Variants in GRIN2B observed in about 807,000 individuals in gnomAD.
The protein encoded by GRIN2B is glutamate ionotropic receptor NMDA type subunit 2B, also known as glutamate receptor ionotropic, NMDA 2B.
Under a neutral mutation model 114.5 loss-of-function variants are expected in GRIN2B, and 5 were observed. The ratio of observed to expected loss-of-function variants is 0.04; its 90% CI spans 0.02 to 0.09. The LOEUF (loss-of-function observed/expected upper bound fraction) is 0.09, where lower values mean the gene tolerates loss of function less well. Among genes scored for constraint, GRIN2B ranks in the 10% least tolerant of loss-of-function variants. GRIN2B has a pLI of 1.00. For synonymous variants in GRIN2B, 787 were observed against 745.1 expected (o/e 1.06, Z -0.92); for missense variants, 1,108 against 1,943.5 (o/e 0.57, Z 8.08).
chr12:13,909,078 C>CT (rs1196028210), intron 2 of GRIN2B, among the ~76,000 whole-genome samples: 1 of 152,162 alleles, frequency 6.6e-6, no homozygotes, highest in Admixed American at 6.5e-5. Flanking sequence ...CATGAATATA[C>CT]TTTCTTCTCT....
At chr12:13,802,092 G>T (rs1591739992) in intron 3 of GRIN2B, among the ~76,000 whole-genome samples, 1 of 152,046 alleles carries the variant, frequency 6.6e-6, no homozygotes, top group African/African-American at 2.4e-5. Flanking sequence ...GAAGGAGTCT[G>T]AAGTCTAGCC....
rs539344696 is a variant in GRIN2B at position 13,910,759 on chromosome 12, T to A, written c.-18-44533A>T. Among the ~76,000 whole-genome samples the A allele has an allele frequency of 2.0e-5, 3 of 152,324 alleles. No homozygotes were observed. The East Asian group carries it at 5.8e-4, about 29-fold the overall frequency. ...GCTCTGAGGATATAGTTCAAATTAATCCTTTAGCATGACTGAAAATGATCA... is the reference window on the plus strand; with the variant it reads ...GCTCTGAGGATATAGTTCAAATTAAACCTTTAGCATGACTGAAAATGATCA... On this transcript the variant is annotated intron_variant, in intron 2 of 13. Transcript: ENST00000609686.
At chr12:13,960,146 A>C (rs957513601) in intron 2 of GRIN2B, among the ~76,000 whole-genome samples, 8 of 152,030 alleles carry the variant, frequency 5.3e-5, no homozygotes, top group Admixed American at 2.6e-4. Flanking sequence ...GACAATGAAA[A>C]CTGTCTGCAG....
chr12:13,878,472 C>T (rs1031917740), intron 2 of GRIN2B, among the ~76,000 whole-genome samples: 3 of 152,232 alleles, frequency 2.0e-5, no homozygotes, highest in African/African-American at 2.4e-5. Context: ...GGTTTCTGTG[C>T]ACTGTCCACA....
At chr12:13,659,160 A>T (rs1164749025) in intron 5 of GRIN2B, among the ~76,000 whole-genome samples, 1 of 152,140 alleles carries the variant, frequency 6.6e-6, no homozygotes, top group Admixed American at 6.5e-5. Flanking sequence ...TCCTGACTCA[A>T]CAGTAACTCA....
In GRIN2B at chr12:13,752,491, C is replaced by A. The variant is rs147640646; in HGVS notation, c.1010+826G>T. Reference sequence around the variant, plus strand: ...AGATCACTTTTATTTCTAAAACACACTTCTTTATGTTCTATTTAGTTTGAA... The same window carrying A: ...AGATCACTTTTATTTCTAAAACACAATTCTTTATGTTCTATTTAGTTTGAA... On this transcript the variant is annotated intron_variant, in intron 4 of 13. Coordinates refer to ENST00000609686, the MANE Select transcript of GRIN2B (RefSeq NM_000834.5). Among the ~76,000 whole-genome samples, 49 of 152,286 alleles carry A rather than the reference C, an allele frequency of 3.2e-4. No homozygotes were observed. The East Asian group carries it at 9.5e-3, about 29-fold the overall frequency.
intron 4 of GRIN2B, among the ~76,000 whole-genome samples, chr12:13,742,038 G>A (rs1283500434): frequency 6.6e-6 from 1 of 152,106 alleles, no homozygotes; most frequent in East Asian, 1.9e-4. Flanking sequence ...GCATTTTAAT[G>A]GAAAATTTCA....
chr12:13,780,910 G>GA (rs543724072), intron 3 of GRIN2B, among the ~76,000 whole-genome samples: 4 of 151,234 alleles, frequency 2.6e-5, no homozygotes, highest in African/African-American at 4.9e-5. Flanking sequence ...GCAAAAAAGG[G>GA]AAAAAAATGG....
chr12:13,586,888 TA>T (rs1462158577), intron 10 of GRIN2B, among the ~76,000 whole-genome samples: 1 of 152,256 alleles, frequency 6.6e-6, no homozygotes, highest in Non-Finnish European at 1.5e-5. Flanking sequence ...CTGTGGACAC[TA>T]TATGAATTAC....
chr12:13,836,498 C>T (rs1157434560), intron 3 of GRIN2B, among the ~76,000 whole-genome samples: 2 of 152,182 alleles, frequency 1.3e-5, no homozygotes, highest in South Asian at 2.1e-4. Context: ...GAGTTTTCTG[C>T]GTGGCTCTGA....
chr12:13,803,925 T>G (rs1864558501), intron 3 of GRIN2B, among the ~76,000 whole-genome samples: 1 of 152,206 alleles, frequency 6.6e-6, no homozygotes, highest in South Asian at 2.1e-4. Flanking sequence ...ACCAGCCATT[T>G]TATGCCCCTC....
Position 13,541,039 on chromosome 12 carries a change from T to C in GRIN2B, c.*21744A>G, listed in dbSNP as rs1231530455. 6.6e-6 allele frequency: 1 copy of C among 152,264 alleles called. No homozygotes were observed. The highest frequency in any genetic ancestry group is 2.4e-5 in the African/African-American group (1 of 41,436). 9.4% of individuals were successfully genotyped at this position (152,264 alleles called of 1,614,324 possible). On this transcript the variant is annotated 3_prime_UTR_variant, in exon 14 of 14. Transcript: ENST00000609686. ...GCGCTCACACACACGCTCACACACA[T>C]GTGCACAGGCACACACACGCATCAG...
chr12:13,688,786 A>G (rs1397664731), intron 4 of GRIN2B, among the ~76,000 whole-genome samples: 4 of 152,188 alleles, frequency 2.6e-5, no homozygotes, highest in African/African-American at 9.6e-5. Context: ...AAAATACAAT[A>G]TTAAAGTATT....
chr12:13,670,962 G>C (rs1013473548), intron 5 of GRIN2B, among the ~76,000 whole-genome samples: 1 of 152,000 alleles, frequency 6.6e-6, no homozygotes, highest in Non-Finnish European at 1.5e-5. Context: ...AAAGTAGTTG[G>C]GTAAATGTAT....
In GRIN2B at chr12:13,557,305, C is replaced by T. The variant is rs1030653608; in HGVS notation, c.*5478G>A. ...CTGCTAGGCCTAAGAAACAATTGCC[C>T]CCCAGGTTAAGTAGCACCTGAGGTC... On this transcript the variant is annotated 3_prime_UTR_variant, in exon 14 of 14. Transcript: ENST00000609686. The T allele has an allele frequency of 2.0e-5, 3 of 152,104 alleles. No individual in the cohort carries two copies. Among genetic ancestry groups the T allele is most frequent in the Non-Finnish European group, 4.4e-5 (3 of 68,022 alleles). 9.4% of individuals were successfully genotyped at this position (152,104 alleles called of 1,614,324 possible).
chr12:13,735,390 G>A (rs779270162), intron 4 of GRIN2B, among the ~76,000 whole-genome samples: 2 of 152,194 alleles, frequency 1.3e-5, no homozygotes, highest in Non-Finnish European at 2.9e-5. Context: ...TCTTTGTCAT[G>A]CCTTTGAAAT....
intron 4 of GRIN2B, among the ~76,000 whole-genome samples, chr12:13,717,944 A>T (rs909328261): frequency 1.3e-5 from 2 of 152,022 alleles, no homozygotes; most frequent in Non-Finnish European, 2.9e-5. Flanking sequence ...GACACTGAGG[A>T]TGCTCCGTCA....
chr12:13,835,802 CA>C (rs989742806), intron 3 of GRIN2B, among the ~76,000 whole-genome samples: 1 of 145,942 alleles, frequency 6.9e-6, no homozygotes, highest in African/African-American at 2.5e-5. Context: ...AAAAGAAAGC[CA>C]GCAGGAATAT....
chr12:13,563,043 G>A lies in GRIN2B; in HGVS notation c.4195C>T (p.His1399Tyr). 1.2e-6 allele frequency: 2 copies of A among 1,614,108 alleles called. No individual in the cohort carries two copies. Among genetic ancestry groups the A allele is most frequent in the Non-Finnish European group, 8.5e-7 (1 of 1,179,976 alleles). Reference sequence around the variant, plus strand: ...CTGAAGAAGTAGGATTTGCTGCCATGGAGCAAGCACTGGTCGTCCCCAAAA... The same window carrying A: ...CTGAAGAAGTAGGATTTGCTGCCATAGAGCAAGCACTGGTCGTCCCCAAAA... ...PTFGDDQCLL[H>Y]GSKSYFFRQP... Residue 1399 changes from histidine (H) to tyrosine (Y), a missense_variant, in exon 14 of 14, where the codon CAT becomes TAT. Physicochemically the swap from His to Tyr is moderately conservative, Grantham distance 83. Coordinates refer to ENST00000609686, the MANE Select transcript of GRIN2B (RefSeq NM_000834.5).
Sources: gnomAD v4.1 joint callset for allele counts (sites outside exome capture counted in the v4.1 genomes callset) on GRCh38, gnomAD v4.1.1 for gene constraint, MANE v1.5 for transcripts, NCBI Gene and HGNC (gene_info 2026-07-23, HGNC 2026-07-21) for gene names.